GSAP: variants seen among roughly 807,000 people sequenced by gnomAD.
GSAP encodes the protein gamma-secretase-activating protein.
Under a neutral mutation model 131.7 loss-of-function variants are expected in GSAP, and 118 were observed. The observed-to-expected ratio is 0.90, with a 90% CI of 0.77 to 1.04. The LOEUF (loss-of-function observed/expected upper bound fraction) is 1.04, where lower values mean the gene tolerates loss of function less well. GSAP is among the 50% of genes least tolerant of loss of function. The pLI is 0.00. For missense variants in GSAP, 1,019 were observed against 1,013.2 expected (o/e 1.01, Z -0.08); for synonymous variants, 381 against 363.4 (o/e 1.05, Z -0.55).
chr7:77,415,863 G>C, intron 1 of GSAP: 1 of 230,166 alleles, frequency 4.3e-6, no homozygotes, highest in Non-Finnish European at 8.5e-6. Flanking sequence ...CGGGAGGTGG[G>C]ATGCGGCCGC....
rs1800644548 is a variant in GSAP at position 77,397,651 on chromosome 7, G to T, written c.244-236C>A. Among the ~76,000 whole-genome samples the T allele has an allele frequency of 2.6e-5, 4 of 152,160 alleles. No homozygotes were observed. The South Asian group carries it at 8.3e-4, about 31-fold the overall frequency. On this transcript the variant is annotated intron_variant, in intron 3 of 30. Coordinates refer to ENST00000257626, the MANE Select transcript of GSAP (RefSeq NM_017439.4). ...AGCCATGAGACAACCAAGTATAGTGGTTAACAGCATAGACATTGGAGCCCA... is the reference window on the plus strand; with the variant it reads ...AGCCATGAGACAACCAAGTATAGTGTTTAACAGCATAGACATTGGAGCCCA...
chr7:77,311,365 C>A lies in GSAP; in HGVS notation c.2558G>T (p.Gly853Val), dbSNP rs1794329117. Residue 853 changes from glycine (G) to valine (V), a missense_variant, in exon 31 of 31, where the codon GGC (glycine) becomes GTC (valine). Coordinates refer to ENST00000257626, the MANE Select transcript of GSAP (RefSeq NM_017439.4). ...AALKHTAMLL[G>V]L ...CCAATTGCGTTTTCTTTTTCATAAG[C>A]CTAAAAGCATCGCGGTGTGTTTCAG... 6.3e-7 allele frequency: 1 copy of A among 1,598,736 alleles called. No homozygotes were observed. The highest frequency in any genetic ancestry group is 8.6e-7 in the Non-Finnish European group (1 of 1,166,224).
chr7:77,320,672 T>TA, intron 26 of GSAP, 53 bp downstream of exon 26: 1 of 1,015,048 alleles, frequency 9.9e-7, no homozygotes, highest in Non-Finnish European at 1.6e-6. Context: ...CAAGGGCCCA[T>TA]ATGAAGAAGA....
At position 77,311,162 on chromosome 7, in the gene GSAP, T is replaced by C; in HGVS notation, c.*196A>G. The C allele has an allele frequency of 1.8e-6, 1 of 543,926 alleles. No individual in the cohort carries two copies. The highest frequency in any genetic ancestry group is 2.5e-5 in the South Asian group (1 of 40,182). The allele number at this position is 543,926 out of a possible 1,614,324, so 33.7% of individuals were successfully genotyped here. ...TTATCATTTCTCTACACTTGATTGC[T>C]CACTGGCTATTCAAAATTGGAATGT... On this transcript the variant is annotated 3_prime_UTR_variant, in exon 31 of 31. Coordinates refer to ENST00000257626, the MANE Select transcript of GSAP (RefSeq NM_017439.4).
intron 28 of GSAP, 122 bp from the exon 29 acceptor site, chr7:77,312,324 T>C (rs1314210613): frequency 1.8e-6 from 1 of 569,240 alleles, no homozygotes; most frequent in Non-Finnish European, 3.1e-6. Context: ...TCCAGGCCCT[T>C]GATGATTAAG....
rs1464053398 is a variant in GSAP at position 77,314,674 on chromosome 7, G to A, written c.2090-185C>T. Reference sequence around the variant, plus strand: ...TATTCGTAACTAAATATCACGCTGGGTCTATAGTAAGTTTCCGGTAAGTAT... The same window carrying A: ...TATTCGTAACTAAATATCACGCTGGATCTATAGTAAGTTTCCGGTAAGTAT... On this transcript the variant is annotated intron_variant, in intron 26 of 30. Coordinates refer to ENST00000257626, the MANE Select transcript of GSAP (RefSeq NM_017439.4). 4 of 566,036 alleles carry A rather than the reference G, an allele frequency of 7.1e-6. No homozygotes were observed. The African/African-American group carries it at 7.6e-5, about 11-fold the overall frequency. The allele number at this position is 566,036 out of a possible 1,614,324, so 35.1% of individuals were successfully genotyped here.
intron 22 of GSAP, chr7:77,328,388 C>T (rs1216704210): frequency 4.7e-6 from 6 of 1,280,650 alleles, no homozygotes; most frequent in African/African-American, 4.6e-5. Context: ...GGACTCCCAT[C>T]GCAAAAGCAC....
intron 5 of GSAP, among the ~76,000 whole-genome samples, chr7:77,390,283 G>C (rs1799267208): frequency 6.6e-6 from 1 of 152,072 alleles, no homozygotes; most frequent in African/African-American, 2.4e-5. Context: ...AAGCTCTTTA[G>C]TTTAATTAGA....
chr7:77,311,701 A>G, intron 30 of GSAP, 140 bp downstream of exon 30: 1 of 600,902 alleles, frequency 1.7e-6, no homozygotes, highest in Non-Finnish European at 3.0e-6. Flanking sequence ...TAAATTTGGT[A>G]CTGCTAATGT....
In GSAP at chr7:77,396,142, C is replaced by T. The variant is rs192317529; in HGVS notation, c.367+840G>A. On this transcript the variant is annotated intron_variant, in intron 5 of 30. Coordinates refer to ENST00000257626, the MANE Select transcript of GSAP (RefSeq NM_017439.4). ...CTAGAGCTGAGTAGTGGCTCCCCTT[C>T]TTGAAAGTCCCCCATGGGGCATCCC... 1.8e-3 allele frequency among the ~76,000 whole-genome samples: 279 copies of T among 152,252 alleles called. 1 individual carries two copies. Among genetic ancestry groups the T allele is most frequent in the Middle Eastern group, 0.01 (3 of 294 alleles).
rs746828793 is a variant in GSAP at position 77,355,600 on chromosome 7, T to C, written c.1075A>G (p.Asn359Asp). The change falls in exon 15 of 31, where the codon AAT (asparagine) becomes GAT (aspartate). Residue 359 changes from asparagine to aspartate, a missense_variant. Asn to Asp is a conservative substitution (Grantham distance 23, BLOSUM62 1). Coordinates refer to ENST00000257626, the MANE Select transcript of GSAP (RefSeq NM_017439.4). ...CAGATCAGGTCTGGATGTTGAACAT[T>C]AAGTAGGTGGAAGAAATGACCAGGT... is the stretch of plus-strand genomic sequence containing the variant. ...YLPGHFFHLL[N>D]VQHPDLICHN... The C allele has an allele frequency of 3.7e-6, 6 of 1,610,524 alleles. No homozygotes were observed. In the East Asian group the frequency reaches 8.9e-5, roughly 24 times the overall value.
intron 14 of GSAP, among the ~76,000 whole-genome samples, chr7:77,358,001 C>T (rs1355520335): frequency 1.3e-5 from 2 of 152,214 alleles, no homozygotes; most frequent in Non-Finnish European, 2.9e-5. Flanking sequence ...ACTCCATAAA[C>T]ATATACAATT....
In GSAP at chr7:77,410,585, C is replaced by T. The variant is rs146955084; in HGVS notation, c.110-4480G>A. 1.6e-4 allele frequency among the ~76,000 whole-genome samples: 25 copies of T among 152,132 alleles called. 1 individual carries two copies. In the East Asian group the frequency reaches 4.8e-3, roughly 29 times the overall value. ...TGCATAGGTAAACCTATAAAAGAAA[C>T]GAGAGTACCTAGATATTAAAGATAT... On this transcript the variant is annotated intron_variant, in intron 1 of 30. Transcript: ENST00000257626.
At chr7:77,364,535 G>A (rs1177409091) in intron 12 of GSAP, among the ~76,000 whole-genome samples, 1 of 112,332 alleles carries the variant, frequency 8.9e-6, no homozygotes, top group African/African-American at 3.4e-5. Context: ...GGTGGGGGGA[G>A]GGGGGAGGGA....
intron 19 of GSAP, among the ~76,000 whole-genome samples, chr7:77,349,060 C>T (rs990399708): frequency 6.6e-6 from 1 of 152,174 alleles, no homozygotes; most frequent in African/African-American, 2.4e-5. Context: ...CCCAGTACAG[C>T]CTGTTCTGAG....
chr7:77,354,062 C>A (rs1215210681), intron 16 of GSAP, among the ~76,000 whole-genome samples: 1 of 152,134 alleles, frequency 6.6e-6, no homozygotes, highest in Non-Finnish European at 1.5e-5. Context: ...CACCAGTTAA[C>A]CTTTGTGAGC....
chr7:77,389,457 C>T (rs537323696), intron 5 of GSAP, among the ~76,000 whole-genome samples: 66 of 150,846 alleles, frequency 4.4e-4, no homozygotes, highest in Admixed American at 1.1e-3. Context: ...CAACAGTCCC[C>T]GATGTGTAAT....
intron 2 of GSAP, among the ~76,000 whole-genome samples, chr7:77,405,100 T>C (rs1191453705): frequency 1.5e-5 from 2 of 133,478 alleles, no homozygotes; most frequent in Non-Finnish European, 3.5e-5. Context: ...CTTATTATAG[T>C]AAAGTTAAAT....
chr7:77,317,690 G>A (rs1008861337), intron 26 of GSAP, among the ~76,000 whole-genome samples: 13 of 152,144 alleles, frequency 8.5e-5, no homozygotes, highest in African/African-American at 1.2e-4. Context: ...ATCTCCAGGC[G>A]TAACAATGTC....
Sources: gnomAD v4.1 joint callset for allele counts (sites outside exome capture counted in the v4.1 genomes callset) on GRCh38, gnomAD v4.1.1 for gene constraint, MANE v1.5 for transcripts, NCBI Gene and HGNC (gene_info 2026-07-23, HGNC 2026-07-21) for gene names.